Variants in MIER3 observed in about 807,000 individuals in gnomAD.
MIER3 encodes MIER family member 3.
In MIER3, 9 loss-of-function variants were observed where a neutral mutation model predicts 63.2. The observed-to-expected ratio is 0.14, with a 90% CI of 0.09 to 0.25. The LOEUF (loss-of-function observed/expected upper bound fraction) is 0.25. Among genes scored for constraint, MIER3 ranks in the 10% least tolerant of loss-of-function variants. The pLI, the probability that MIER3 is intolerant of heterozygous loss-of-function variation, is 1.00. For missense variants in MIER3, 512 were observed against 666.2 expected (o/e 0.77, Z 2.55); for synonymous variants, 205 against 224.9 (o/e 0.91, Z 0.79).
rs938065091 is a variant in MIER3, at chr5:56,922,857, AT to A, written c.*270del. The stretch of plus-strand genomic sequence containing the variant: ...AAAAAGAAGGGAGTGGGGAAGAGGT[AT>A]TGGGAGATGAGGAAGAGAGAAGCAG... On this transcript the variant is annotated 3_prime_UTR_variant, in exon 13 of 13. Transcript: ENST00000381199. 9.7e-6 allele frequency: 4 copies of A among 412,906 alleles called. No homozygotes were observed. Among genetic ancestry groups the A allele is most frequent in the Admixed American group, 3.7e-5 (1 of 27,094 alleles). The allele number at this position is 412,906 out of a possible 1,614,324, so 25.6% of individuals were successfully genotyped here. A position where few individuals can be genotyped will look rare whatever the true frequency, so the allele number is the denominator to read the frequency against.
At chr5:56,938,269 C>G in intron 4 of MIER3, 1 of 471,190 alleles carries the variant, frequency 2.1e-6, no homozygotes. Flanking sequence ...ATCACATTGA[C>G]TTAAAAGTGG....
intron 2 of MIER3, among the ~76,000 whole-genome samples, chr5:56,949,845 G>C (rs1182856590): frequency 6.6e-6 from 1 of 152,224 alleles, no homozygotes; most frequent in African/African-American, 2.4e-5. Context: ...AGACAGCAAA[G>C]AGGTAAGCTA....
chr5:56,939,951 A>T (rs1750585717), intron 3 of MIER3, among the ~76,000 whole-genome samples: 1 of 152,200 alleles, frequency 6.6e-6, no homozygotes, highest in African/African-American at 2.4e-5. Flanking sequence ...CAGCAATGAA[A>T]CTGCCTAATG....
At chr5:56,930,781 CAT>C in intron 8 of MIER3, 36 bp from the exon 9 acceptor site, 1 of 1,512,364 alleles carries the variant, frequency 6.6e-7, no homozygotes, top group Admixed American at 1.7e-5. Flanking sequence ...ATTAAAAGTT[CAT>C]ACCTAACAGC....
At position 56,935,447 on chromosome 5, in the gene MIER3, C is replaced by T. The variant is rs1245568614; in HGVS notation, c.576G>A (p.Glu192=). 1.4e-5 allele frequency: 23 copies of T among 1,592,110 alleles called. No individual in the cohort carries two copies. The highest frequency in any genetic ancestry group is 1.4e-5 in the Non-Finnish European group (17 of 1,173,576). Residue 192 remains glutamate (E), a synonymous_variant, in exon 7 of 13, where the codon GAG becomes GAA. Coordinates refer to ENST00000381199, the MANE Select transcript of MIER3 (RefSeq NM_001297599.2). ...YQAEIPPYLG[E]YDGNEKVYEN... ...CCTTACCTTTCTCATTACCATCGTA[C>T]TCTCCAAGATAAGGGGGAATCTCTG...
chr5:56,942,264 T>G (rs1013474790), intron 3 of MIER3, among the ~76,000 whole-genome samples: 7 of 152,238 alleles, frequency 4.6e-5, no homozygotes, highest in Non-Finnish European at 1.0e-4. Context: ...AGAAGAACTT[T>G]CAGATGTATT....
intron 10 of MIER3, 62 bp downstream of exon 10, chr5:56,928,705 T>C: frequency 8.4e-7 from 1 of 1,188,262 alleles, no homozygotes. Context: ...AAGTGACTTA[T>C]AAATTAGTTG....
At chr5:56,932,175 G>A (rs529665410) in intron 8 of MIER3, among the ~76,000 whole-genome samples, 1 of 152,246 alleles carries the variant, frequency 6.6e-6, no homozygotes, top group African/African-American at 2.4e-5. Flanking sequence ...CAGAAGAAGT[G>A]CTTGAACCTG....
chr5:56,938,287 A>G (rs887895372), intron 4 of MIER3: 6 of 471,242 alleles, frequency 1.3e-5, no homozygotes, highest in South Asian at 6.2e-5. Context: ...TGGGAACAAT[A>G]TAACTCACAG....
At chr5:56,932,858 T>A (rs933849024) in intron 8 of MIER3, among the ~76,000 whole-genome samples, 1 of 151,942 alleles carries the variant, frequency 6.6e-6, no homozygotes, top group African/African-American at 2.4e-5. Context: ...GAATTACAAG[T>A]ATAGGATAAG....
At chr5:56,924,101 T>A (rs759257234) in intron 10 of MIER3, 59 bp from the exon 11 acceptor site, 11 of 1,564,802 alleles carry the variant, frequency 7.0e-6, no homozygotes, top group Non-Finnish European at 9.5e-6. Flanking sequence ...TTTAAGCAAC[T>A]TTTCTTTTCC....
Position 56,923,698 on chromosome 5 carries a change from G to T in MIER3, c.1188C>A (p.Asp396Glu). Residue 396 changes from aspartate to glutamate, a missense_variant, in exon 12 of 13, where the codon GAC (aspartate) becomes GAA (glutamate). Asp to Glu is a conservative substitution (Grantham distance 45). Transcript: ENST00000381199. ...LNILNSFTAS[D>E]LTALTNSVAT... is the part of the protein sequence containing the mutation. The stretch of plus-strand genomic sequence containing the variant: ...GAAAGGTCTTCATTTTACCTGTCAA[G>T]TCACTGGCAGTGAAGGAGTTGAGAA... The T allele has an allele frequency of 6.2e-7, 1 of 1,614,208 alleles. No individual in the cohort carries two copies. Among genetic ancestry groups the T allele is most frequent in the Non-Finnish European group, 8.5e-7 (1 of 1,180,030 alleles).
At position 56,923,261 on chromosome 5, in the gene MIER3, T is replaced by C. The variant is rs1561228687; in HGVS notation, c.1520A>G (p.Asn507Ser). Residue 507 changes from asparagine to serine, a missense_variant, in exon 13 of 13, where the codon AAT (asparagine) becomes AGT (serine). Physicochemically the swap from Asn to Ser is conservative, Grantham distance 46. This residue lies in a region of MIER3 where 218 missense variants were observed against 251.2 expected (regional missense o/e 0.87). Transcript: ENST00000381199. ...SVNNLGVDFE[N>S]HTHHITSAKM... is the part of the protein sequence containing the mutation. ...GGCACTGGTGATGTGATGTGTGTGA[T>C]TTTCAAAGTCCACACCCAGGTTATT... 1.2e-6 allele frequency: 2 copies of C among 1,614,098 alleles called. No homozygotes were observed. Among genetic ancestry groups the C allele is most frequent in the Admixed American group, 3.3e-5 (2 of 59,976 alleles).
chr5:56,931,085 ATTAG>A (rs535628954), intron 8 of MIER3, among the ~76,000 whole-genome samples: 71 of 152,290 alleles, frequency 4.7e-4, no homozygotes, highest in African/African-American at 1.6e-3. Context: ...GTTTGGAAAA[ATTAG>A]TTACAGTCTG....
In MIER3 at chr5:56,934,456, T is replaced by C. The variant is rs539416470; in HGVS notation, c.595+972A>G. ...TCCAATCTGCAGCACTGACAGAATATCACCTCTACTATGTGTGACCTAAGG... is the reference window on the plus strand; with the variant it reads ...TCCAATCTGCAGCACTGACAGAATACCACCTCTACTATGTGTGACCTAAGG... On this transcript the variant is annotated intron_variant, in intron 7 of 12. Coordinates refer to ENST00000381199, the MANE Select transcript of MIER3 (RefSeq NM_001297599.2). 4.6e-5 allele frequency among the ~76,000 whole-genome samples: 7 copies of C among 152,286 alleles called. No homozygotes were observed. In the East Asian group the frequency reaches 9.7e-4, roughly 21 times the overall value.
At chr5:56,946,415 C>T (rs1265375653) in intron 3 of MIER3, among the ~76,000 whole-genome samples, 1 of 152,120 alleles carries the variant, frequency 6.6e-6, no homozygotes, top group African/African-American at 2.4e-5. Flanking sequence ...TCACTCTTGC[C>T]AACCTTTTCA....
At chr5:56,930,882 A>T in intron 8 of MIER3, 137 bp from the exon 9 acceptor site, 1 of 699,094 alleles carries the variant, frequency 1.4e-6, no homozygotes, top group South Asian at 1.8e-5. Flanking sequence ...ATTTGAAGGT[A>T]TATTTGCCCA....
In MIER3 at chr5:56,938,866, CAA is replaced by C. The variant is rs1446484615; in HGVS notation, c.315+15_315+16del. 1 of 1,603,514 alleles carries C rather than the reference CAA, an allele frequency of 6.2e-7. No homozygotes were observed. Among genetic ancestry groups the C allele is most frequent in the Non-Finnish European group, 8.5e-7 (1 of 1,173,154 alleles). Reference sequence around the variant, plus strand: ...GGTAACAGACCCTGAATTTTTCTTTCAAATGCTCACACTTACTTTGTCTAGTG... The same window carrying C: ...GGTAACAGACCCTGAATTTTTCTTTCATGCTCACACTTACTTTGTCTAGTG... On this transcript the variant is annotated intron_variant, in intron 4 of 12. Coordinates refer to ENST00000381199, the MANE Select transcript of MIER3 (RefSeq NM_001297599.2).
At chr5:56,925,405 G>A (rs1749917046) in intron 10 of MIER3, 7 of 441,276 alleles carry the variant, frequency 1.6e-5, no homozygotes, top group Non-Finnish European at 2.3e-5. Context: ...AGCACTTACA[G>A]CAAAGTTTCA....
Sources: gnomAD v4.1 joint callset for allele counts (sites outside exome capture counted in the v4.1 genomes callset) on GRCh38, gnomAD v4.1.1 for gene constraint, gnomAD v4.1.1 regional missense constraint, MANE v1.5 for transcripts, NCBI Gene and HGNC (gene_info 2026-07-23, HGNC 2026-07-21) for gene names.